Variants in UTP6 observed in about 807,000 individuals in gnomAD.
UTP6 encodes the protein UTP6 small subunit processome component.
A neutral mutation model predicts 96.5 loss-of-function variants in UTP6; 60 were observed. The observed-to-expected ratio is 0.62, with a 90% confidence interval of 0.51 to 0.77. The LOEUF (loss-of-function observed/expected upper bound fraction) is 0.77. Ranked by LOEUF, UTP6 falls within the 30% of genes least tolerant of loss-of-function variation. The pLI is 0.00. For synonymous variants in UTP6, 215 were observed against 240.1 expected (o/e 0.90, Z 0.96); for missense variants, 637 against 706.5 (o/e 0.90, Z 1.12).
At position 31,873,731 on chromosome 17, in the gene UTP6, G is replaced by C; in HGVS notation, c.1328C>G (p.Ser443Cys). ...KPQVCLPLWI[S>C]WAEWSEGAKS... Reference sequence around the variant, plus strand: ...GGCACCTTCACTCCACTCTGCCCAGGAAATCCACAATGGCAGACAAACCTA... The same window carrying C: ...GGCACCTTCACTCCACTCTGCCCAGCAAATCCACAATGGCAGACAAACCTA... Residue 443 changes from serine (S) to cysteine (C), a missense_variant, in exon 15 of 19, where the codon TCC (serine) becomes TGC (cysteine). By Grantham distance (112) the Ser-to-Cys change is moderately radical. Transcript: ENST00000261708. 1 of 1,610,316 alleles carries C rather than the reference G, an allele frequency of 6.2e-7. No homozygotes were observed. The highest frequency in any genetic ancestry group is 2.2e-5 in the East Asian group (1 of 44,864).
rs565222593 is a variant in UTP6, at chr17:31,867,913, C to T, written c.1563+133G>A. 3.4e-3 allele frequency: 2,413 copies of T among 715,600 alleles called. 12 individuals carry two copies. Among genetic ancestry groups the T allele is most frequent in the Non-Finnish European group, 4.0e-3 (1,876 of 466,690 alleles). 44.3% of individuals were successfully genotyped at this position (715,600 alleles called of 1,614,324 possible). ...TGGAGGTTGCAGTGAGCCAAGATCACGCCACTGCACTCCAGCCTGGCAACA... is the reference window on the plus strand; with the variant it reads ...TGGAGGTTGCAGTGAGCCAAGATCATGCCACTGCACTCCAGCCTGGCAACA... On this transcript the variant is annotated intron_variant, in intron 17 of 18. Coordinates refer to ENST00000261708, the MANE Select transcript of UTP6 (RefSeq NM_018428.3).
chr17:31,870,434 C>T (rs1363243342), intron 16 of UTP6, among the ~76,000 whole-genome samples: 1 of 151,208 alleles, frequency 6.6e-6, no homozygotes, highest in African/African-American at 2.4e-5. Flanking sequence ...CATTTTTTCA[C>T]ATGTATGCTG....
intron 8 of UTP6, 54 bp downstream of exon 8, chr17:31,887,182 G>T: frequency 6.8e-7 from 1 of 1,479,014 alleles, no homozygotes; most frequent in Non-Finnish European, 9.4e-7. Context: ...TCCTAAGCAG[G>T]CTCAAAATGT....
intron 14 of UTP6, chr17:31,873,957 C>T (rs1910342980): frequency 1.9e-6 from 1 of 526,094 alleles, no homozygotes; most frequent in South Asian, 2.8e-5. Context: ...CCAAACAGTC[C>T]TCATTGTGAC....
At chr17:31,894,574 G>T in intron 4 of UTP6, 71 bp downstream of exon 4, 1 of 1,062,466 alleles carries the variant, frequency 9.4e-7, no homozygotes. Flanking sequence ...AACTGCATTT[G>T]AATCCCTAAT....
At chr17:31,863,600 C>G in intron 18 of UTP6, 84 bp from the exon 19 acceptor site, 1 of 1,264,652 alleles carries the variant, frequency 7.9e-7, no homozygotes, top group Non-Finnish European at 1.1e-6. Context: ...CTCAAGATTT[C>G]TAAGAAACTT....
At chr17:31,865,820 T>A (rs1481499342) in intron 17 of UTP6, among the ~76,000 whole-genome samples, 1 of 152,188 alleles carries the variant, frequency 6.6e-6, no homozygotes, top group East Asian at 1.9e-4. Context: ...CTCTGGTACT[T>A]ATTTGTTATA....
Position 31,901,689 on chromosome 17 carries a change from C to G in UTP6, c.-62G>C. The stretch of plus-strand genomic sequence containing the variant: ...AACAGCGAACACGAGCAGGAAGCTC[C>G]CGGTTTCAGGTTCGGAGACCCAGCC... On this transcript the variant is annotated 5_prime_UTR_variant, in exon 1 of 19. Coordinates refer to ENST00000261708, the MANE Select transcript of UTP6 (RefSeq NM_018428.3). The G allele has an allele frequency of 6.4e-7, 1 of 1,551,472 alleles. No individual in the cohort carries two copies. The highest frequency in any genetic ancestry group is 8.8e-7 in the Non-Finnish European group (1 of 1,130,774).
In UTP6 at chr17:31,896,291, T is replaced by C. The variant is rs9807079; in HGVS notation, c.178-1280A>G. ...TGGGGTTCCACCATGTTGACCAGGCTGATCTCCAACTCCCAACCTCAAGTA... is the reference window on the plus strand; with the variant it reads ...TGGGGTTCCACCATGTTGACCAGGCCGATCTCCAACTCCCAACCTCAAGTA... On this transcript the variant is annotated intron_variant, in intron 2 of 18. Coordinates refer to ENST00000261708, the MANE Select transcript of UTP6 (RefSeq NM_018428.3). 3.6e-3 allele frequency among the ~76,000 whole-genome samples: 547 copies of C among 152,024 alleles called. 7 individuals carry two copies. Among genetic ancestry groups the C allele is most frequent in the African/African-American group, 0.013 (522 of 41,504 alleles).
intron 16 of UTP6, among the ~76,000 whole-genome samples, chr17:31,869,855 TCTA>T (rs1416834598): frequency 6.6e-6 from 1 of 152,186 alleles, no homozygotes; most frequent in African/African-American, 2.4e-5. Context: ...TCCTGTAGTG[TCTA>T]CTATTTCTGT....
At chr17:31,874,258 C>T in intron 14 of UTP6, 1 of 150,752 alleles carries the variant, frequency 6.6e-6, no homozygotes, top group Non-Finnish European at 1.5e-5. Flanking sequence ...TACAAATGAG[C>T]AGCAAAAGCG....
chr17:31,886,344 C>T (rs1911143858), intron 8 of UTP6, among the ~76,000 whole-genome samples: 1 of 152,122 alleles, frequency 6.6e-6, no homozygotes, highest in Non-Finnish European at 1.5e-5. Context: ...GTCTTGTTTG[C>T]GCTTCTCTGT....
At chr17:31,873,786 A>G (rs1291835960) in intron 14 of UTP6, 33 bp from the exon 15 acceptor site, 14 of 1,582,382 alleles carry the variant, frequency 8.8e-6, no homozygotes, top group Non-Finnish European at 1.1e-5. Context: ...TAGTTAGAGA[A>G]CAGCATATAA....
chr17:31,883,987 C>T (rs1352057649), intron 10 of UTP6, among the ~76,000 whole-genome samples: 12 of 145,894 alleles, frequency 8.2e-5, no homozygotes, highest in African/African-American at 2.8e-4. Flanking sequence ...TTTTTTTTAA[C>T]GTAATATGAT....
chr17:31,884,310 T>A, intron 10 of UTP6, 114 bp downstream of exon 10: 1 of 847,702 alleles, frequency 1.2e-6, no homozygotes, highest in South Asian at 2.1e-5. Context: ...TATTAGCTTT[T>A]ATTCCAGGGA....
intron 5 of UTP6, 137 bp downstream of exon 5, chr17:31,892,610 A>T: frequency 2.1e-6 from 2 of 946,824 alleles, no homozygotes; most frequent in Non-Finnish European, 3.2e-6. Flanking sequence ...ATCCAATGTT[A>T]TATTGATGTT....
rs1471052059 is a variant in UTP6, at chr17:31,896,726, T to C, written c.178-1715A>G. On this transcript the variant is annotated intron_variant, in intron 2 of 18. Transcript: ENST00000261708. ...ATCATGGCTCACTACAGCTTCCACC[T>C]CCCAGGTTCAACTGATCCTCCCACC... Among the ~76,000 whole-genome samples the C allele has an allele frequency of 2.6e-5, 4 of 151,436 alleles. No homozygotes were observed. The Admixed American group carries it at 2.6e-4, about 10-fold the overall frequency.
chr17:31,873,803 A>G (rs777706499), intron 14 of UTP6, 50 bp from the exon 15 acceptor site: 3 of 1,559,174 alleles, frequency 1.9e-6, no homozygotes, highest in Admixed American at 4.1e-5. Flanking sequence ...ATAACAAAAC[A>G]TCGCATGTAC....
At chr17:31,864,721 C>T (rs1262456222) in intron 18 of UTP6, among the ~76,000 whole-genome samples, 2 of 151,926 alleles carry the variant, frequency 1.3e-5, no homozygotes, top group African/African-American at 4.8e-5. Context: ...TCCTGGGGCC[C>T]AAACAATCCT....
Sources: gnomAD v4.1 joint callset for allele counts (sites outside exome capture counted in the v4.1 genomes callset) on GRCh38, gnomAD v4.1.1 for gene constraint, MANE v1.5 for transcripts, NCBI Gene and HGNC (gene_info 2026-07-23, HGNC 2026-07-21) for gene names.